The following NOL4L variants were observed in gnomAD, a reference collection of about 807,000 sequenced individuals.
NOL4L encodes the protein nucleolar protein 4-like.
A neutral mutation model predicts 64.5 loss-of-function variants in NOL4L; 7 were observed. That is an observed-to-expected ratio of 0.11 (90% CI 0.06 to 0.20). The LOEUF (loss-of-function observed/expected upper bound fraction) is 0.20, where lower values mean the gene tolerates loss of function less well. Ranked by LOEUF, NOL4L falls within the 10% of genes least tolerant of loss-of-function variation. The pLI is 1.00. For missense variants in NOL4L, 680 were observed against 967.1 expected (o/e 0.70, Z 3.94); for synonymous variants, 413 against 401.0 (o/e 1.03, Z -0.36).
rs541103237 is a variant in NOL4L, at chr20:32,444,159, T to G, written c.*3437A>C. ...AGTACACTTTCACTGAGTCCAAAATTAGGAGCAAAAATACAAAGGTTCACA... is the reference window on the plus strand; with the variant it reads ...AGTACACTTTCACTGAGTCCAAAATGAGGAGCAAAAATACAAAGGTTCACA... On this transcript the variant is annotated 3_prime_UTR_variant, in exon 11 of 11. Coordinates refer to ENST00000621426, the MANE Select transcript of NOL4L (RefSeq NM_001256798.2). 1.2e-4 allele frequency: 18 copies of G among 152,072 alleles called. No individual in the cohort carries two copies. Among genetic ancestry groups the G allele is most frequent in the African/African-American group, 4.3e-4 (18 of 41,482 alleles). 9.4% of individuals were successfully genotyped at this position (152,072 alleles called of 1,614,324 possible).
chr20:32,539,131 T>C (rs1040788170), intron 1 of NOL4L, among the ~76,000 whole-genome samples: 19 of 152,088 alleles, frequency 1.2e-4, no homozygotes, highest in African/African-American at 3.6e-4. Flanking sequence ...ACCCTCTGGG[T>C]CCCAGCCCAA....
At chr20:32,536,994 G>GCGCC (rs2018554395) in intron 1 of NOL4L, 1 of 848,060 alleles carries the variant, frequency 1.2e-6, no homozygotes, top group African/African-American at 1.8e-5. Flanking sequence ...TGCTGCGCGC[G>GCGCC]CGCCCGCCGG....
At chr20:32,474,346 ACCCCC>A (rs952715050) in intron 5 of NOL4L, among the ~76,000 whole-genome samples, 7 of 152,012 alleles carry the variant, frequency 4.6e-5, no homozygotes, top group Admixed American at 6.5e-5. Context: ...AACCAGGCAG[ACCCCC>A]CGCCCCGCAG....
intron 1 of NOL4L, among the ~76,000 whole-genome samples, chr20:32,580,588 G>C (rs1980403191): frequency 6.6e-6 from 1 of 152,224 alleles, no homozygotes; most frequent in Non-Finnish European, 1.5e-5. Context: ...CTGGTTTTGA[G>C]AGTGGAGTTT....
chr20:32,570,033 G>A lies in NOL4L; in HGVS notation c.321+14537C>T, dbSNP rs1328985272. On this transcript the variant is annotated intron_variant, in intron 1 of 10. Transcript: ENST00000621426. ...AGAGCCTTGCCAGGAGCCAGGCCCT[G>A]AGCTAAGTCTCTTACCAGCATGAAA... 3.9e-5 allele frequency among the ~76,000 whole-genome samples: 6 copies of A among 152,090 alleles called. No individual in the cohort carries two copies. In the South Asian group the frequency reaches 8.3e-4, roughly 21 times the overall value.
chr20:32,474,855 G>A (rs1336827663), intron 4 of NOL4L, 113 bp from the exon 5 acceptor site: 11 of 1,441,474 alleles, frequency 7.6e-6, no homozygotes, highest in South Asian at 5.8e-5. Flanking sequence ...CCCTGAAGGC[G>A]GCAGGAGCCC....
intron 4 of NOL4L, among the ~76,000 whole-genome samples, chr20:32,488,781 TCC>T (rs879864937): frequency 0.021 from 1,016 of 49,142 alleles, 28 homozygotes; most frequent in African/African-American, 0.06. Context: ...CTTCCTTCCT[TCC>T]TTCCTTCCTT....
intron 1 of NOL4L, among the ~76,000 whole-genome samples, chr20:32,572,682 G>A (rs530765677): frequency 1.3e-4 from 20 of 152,142 alleles, no homozygotes; most frequent in African/African-American, 4.1e-4. Context: ...GCTTGGCGCC[G>A]TCCCTCTGAC....
In NOL4L at chr20:32,462,834, G is replaced by A. The variant is rs909795160; in HGVS notation, c.842-6439C>T. Among the ~76,000 whole-genome samples, 9 of 146,530 alleles carry A rather than the reference G, an allele frequency of 6.1e-5. No individual in the cohort carries two copies. In the South Asian group the frequency reaches 1.9e-3, roughly 32 times the overall value. On this transcript the variant is annotated intron_variant, in intron 5 of 10. Transcript: ENST00000621426. ...GCAGGAGAATCGCTTGAACCCGGGA[G>A]GTGGAGGTTGCAGTGAGACAAGATC...
intron 3 of NOL4L, chr20:32,519,427 C>T (rs948092145): frequency 1.8e-4 from 27 of 152,172 alleles, no homozygotes; most frequent in African/African-American, 6.3e-4. Flanking sequence ...GAGTGCCACC[C>T]GGATAAACGG....
chr20:32,493,996 T>C (rs2145523349), intron 4 of NOL4L, among the ~76,000 whole-genome samples: 1 of 152,286 alleles, frequency 6.6e-6, no homozygotes, highest in Middle Eastern at 3.4e-3. Flanking sequence ...CTCATGCCTA[T>C]AATCCCAGCA....
intron 1 of NOL4L, among the ~76,000 whole-genome samples, chr20:32,559,146 C>T (rs534248884): frequency 6.6e-6 from 1 of 152,140 alleles, no homozygotes; most frequent in South Asian, 2.1e-4. Flanking sequence ...CACGGGACTA[C>T]CCTGGGTCAT....
intron 1 of NOL4L, among the ~76,000 whole-genome samples, chr20:32,558,825 C>T (rs1399973225): frequency 1.3e-5 from 2 of 152,154 alleles, no homozygotes; most frequent in Non-Finnish European, 1.5e-5. Context: ...GTGTGATTTA[C>T]GTTTCGGAAG....
chr20:32,497,927 G>A (rs1034433548), intron 4 of NOL4L, among the ~76,000 whole-genome samples: 1 of 152,230 alleles, frequency 6.6e-6, no homozygotes, highest in African/African-American at 2.4e-5. Context: ...GGCCAGCCCT[G>A]CATGCAGTAT....
At chr20:32,572,448 G>A (rs991657495) in intron 1 of NOL4L, 1 of 152,206 alleles carries the variant, frequency 6.6e-6, no homozygotes, top group Admixed American at 6.5e-5. Context: ...AGAAGTAGCT[G>A]ACGTTGCTCT....
chr20:32,523,262 G>T (rs1294436369), intron 2 of NOL4L, among the ~76,000 whole-genome samples: 1 of 152,196 alleles, frequency 6.6e-6, no homozygotes, highest in Non-Finnish European at 1.5e-5. Context: ...ACTGCCTGAG[G>T]GCCAGGGAGG....
chr20:32,495,586 T>C (rs1191076119), intron 4 of NOL4L, among the ~76,000 whole-genome samples: 1 of 151,926 alleles, frequency 6.6e-6, no homozygotes, highest in Non-Finnish European at 1.5e-5. Flanking sequence ...AAGAAAGGGG[T>C]TCCTCCATCA....
chr20:32,478,645 T>C (rs2015546916), intron 4 of NOL4L, among the ~76,000 whole-genome samples: 1 of 152,354 alleles, frequency 6.6e-6, no homozygotes, highest in East Asian at 1.9e-4. Context: ...TACTGTCACA[T>C]AGGCTGGAGT....
chr20:32,551,488 G>A (rs552354849), intron 1 of NOL4L, among the ~76,000 whole-genome samples: 1 of 152,252 alleles, frequency 6.6e-6, no homozygotes, highest in Non-Finnish European at 1.5e-5. Flanking sequence ...TCTTTAAGTG[G>A]TGCATGACTG....
Sources: allele counts gnomAD v4.1 joint callset (sites outside exome capture counted in the v4.1 genomes callset), GRCh38; gene constraint gnomAD v4.1.1; transcripts MANE v1.5; gene names NCBI Gene and HGNC (gene_info 2026-07-23, HGNC 2026-07-21).